The following PLEKHM3 variants were observed in gnomAD, a reference collection of about 807,000 sequenced individuals.
PLEKHM3 encodes pleckstrin homology domain-containing family M member 3.
A neutral mutation model predicts 81.8 loss-of-function variants in PLEKHM3; 45 were observed. The ratio of observed to expected loss-of-function variants is 0.55; its 90% CI spans 0.43 to 0.71. The LOEUF (loss-of-function observed/expected upper bound fraction) is 0.71, where lower values mean the gene tolerates loss of function less well. Among genes scored for constraint, PLEKHM3 ranks in the 30% least tolerant of loss-of-function variants. The pLI, the probability that PLEKHM3 is intolerant of heterozygous loss-of-function variation, is 0.00. For synonymous variants in PLEKHM3, 352 were observed against 356.4 expected (o/e 0.99, Z 0.14); for missense variants, 788 against 924.3 (o/e 0.85, Z 1.91).
chr2:207,997,664 G>A (rs1241101662), intron 2 of PLEKHM3, among the ~76,000 whole-genome samples: 3 of 152,168 alleles, frequency 2.0e-5, no homozygotes, highest in Non-Finnish European at 1.5e-5. Context: ...CAGCAGGAAT[G>A]GGAGAAGGGA....
intron 1 of PLEKHM3, among the ~76,000 whole-genome samples, chr2:208,024,825 C>G (rs569355347): frequency 6.6e-6 from 1 of 152,216 alleles, no homozygotes; most frequent in Non-Finnish European, 1.5e-5. Flanking sequence ...TACATCCAGA[C>G]CAGTCTCAAT....
At chr2:207,845,399 C>A (rs1443842831) in intron 7 of PLEKHM3, among the ~76,000 whole-genome samples, 1 of 152,210 alleles carries the variant, frequency 6.6e-6, no homozygotes, top group African/African-American at 2.4e-5. Context: ...AATACTCCTT[C>A]TCTTCCCTAT....
intron 7 of PLEKHM3, among the ~76,000 whole-genome samples, chr2:207,844,389 G>T (rs1282161701): frequency 6.8e-6 from 1 of 146,418 alleles, no homozygotes; most frequent in African/African-American, 2.5e-5. Flanking sequence ...TGCAAGCTCC[G>T]CCTCCCGGGC....
chr2:207,927,934 TG>T (rs1339000844), intron 5 of PLEKHM3, among the ~76,000 whole-genome samples: 2 of 152,238 alleles, frequency 1.3e-5, no homozygotes, highest in African/African-American at 4.8e-5. Flanking sequence ...AAATCATCCC[TG>T]GTTGTTTAGT....
At chr2:207,877,535 C>T (rs13432421) in intron 6 of PLEKHM3, among the ~76,000 whole-genome samples, 36,787 of 152,054 alleles carry the variant, frequency 0.24, 4,725 homozygotes, top group Non-Finnish European at 0.3. Context: ...GATTTTACTT[C>T]GTTCCTCACA....
At chr2:207,888,755 T>C (rs1345163041) in intron 6 of PLEKHM3, among the ~76,000 whole-genome samples, 2 of 152,254 alleles carry the variant, frequency 1.3e-5, no homozygotes, top group Admixed American at 6.5e-5. Flanking sequence ...ACATGAATTA[T>C]AGTCTACTCC....
rs201092791 is a variant in PLEKHM3 at position 207,916,755 on chromosome 2, G to GA, written c.1887-8179dup. Among the ~76,000 whole-genome samples the GA allele has an allele frequency of 4.8e-3, 716 of 148,876 alleles. 4 individuals carry two copies. Among genetic ancestry groups the GA allele is most frequent in the African/African-American group, 0.016 (648 of 40,632 alleles). On this transcript the variant is annotated intron_variant, in intron 5 of 7. Coordinates refer to ENST00000427836, the MANE Select transcript of PLEKHM3 (RefSeq NM_001080475.3). ...AGAGTGAGACTTCATCTCAAAAAAA[G>GA]AAAAAAAAAGAAAATGATTTTAGAG...
chr2:207,999,136 C>T (rs1692212805), intron 2 of PLEKHM3, among the ~76,000 whole-genome samples: 1 of 152,034 alleles, frequency 6.6e-6, no homozygotes, highest in Admixed American at 6.6e-5. Flanking sequence ...GCACGTGCCA[C>T]CAAGCCCAGC....
chr2:207,915,213 G>C (rs1688948437), intron 5 of PLEKHM3, among the ~76,000 whole-genome samples: 1 of 152,124 alleles, frequency 6.6e-6, no homozygotes, highest in Non-Finnish European at 1.5e-5. Context: ...AGAAAGGTGA[G>C]AAAAGATGAA....
intron 5 of PLEKHM3, among the ~76,000 whole-genome samples, chr2:207,911,332 T>A (rs1332642070): frequency 6.6e-6 from 1 of 152,268 alleles, no homozygotes; most frequent in Non-Finnish European, 1.5e-5. Context: ...AATGTTCACA[T>A]GTACTTCCAC....
chr2:208,017,185 G>A (rs999245717), intron 1 of PLEKHM3, among the ~76,000 whole-genome samples: 4 of 152,188 alleles, frequency 2.6e-5, no homozygotes, highest in Non-Finnish European at 5.9e-5. Flanking sequence ...GATGTAGAGG[G>A]CCAACTGTAA....
At chr2:207,955,716 A>T (rs1010651083) in intron 3 of PLEKHM3, among the ~76,000 whole-genome samples, 1 of 152,234 alleles carries the variant, frequency 6.6e-6, no homozygotes, top group Admixed American at 6.5e-5. Context: ...ATTTTCAGGT[A>T]GTTATCTCCT....
intron 7 of PLEKHM3, among the ~76,000 whole-genome samples, chr2:207,831,639 G>T (rs193171607): frequency 3.7e-4 from 57 of 152,300 alleles, no homozygotes; most frequent in Admixed American, 3.3e-3. Flanking sequence ...AGGCTGCGAC[G>T]CCGCCCCTCA....
At chr2:207,977,632 A>C in intron 2 of PLEKHM3, 46 bp from the exon 3 acceptor site, 1 of 1,507,098 alleles carries the variant, frequency 6.6e-7, no homozygotes. Flanking sequence ...ATTAGTTATA[A>C]GAAGGCAGGC....
chr2:207,989,041 T>G (rs918265983), intron 2 of PLEKHM3, among the ~76,000 whole-genome samples: 1 of 152,226 alleles, frequency 6.6e-6, no homozygotes, highest in African/African-American at 2.4e-5. Context: ...CCCTCAATCG[T>G]TCTCCATCAC....
At chr2:207,865,644 G>A (rs1428501853) in intron 6 of PLEKHM3, among the ~76,000 whole-genome samples, 1 of 150,638 alleles carries the variant, frequency 6.6e-6, no homozygotes, top group African/African-American at 2.4e-5. Context: ...GCCGGGCATG[G>A]TGGTGTATGC....
intron 6 of PLEKHM3, among the ~76,000 whole-genome samples, chr2:207,894,767 T>C (rs1036185753): frequency 6.6e-6 from 1 of 152,100 alleles, no homozygotes; most frequent in Non-Finnish European, 1.5e-5. Flanking sequence ...TTTTAATACG[T>C]TTGAAACATT....
chr2:207,892,375 T>C (rs1296561187), intron 6 of PLEKHM3, among the ~76,000 whole-genome samples: 1 of 152,222 alleles, frequency 6.6e-6, no homozygotes, highest in East Asian at 1.9e-4. Flanking sequence ...TCATTTTTGA[T>C]TGGTTACATT....
At chr2:207,892,924 G>T (rs911967576) in intron 6 of PLEKHM3, among the ~76,000 whole-genome samples, 1 of 152,116 alleles carries the variant, frequency 6.6e-6, no homozygotes, top group Middle Eastern at 3.2e-3. Context: ...AGGAATTCAA[G>T]CCTCAAGATC....
Sources: allele counts gnomAD v4.1 joint callset (sites outside exome capture counted in the v4.1 genomes callset), GRCh38; gene constraint gnomAD v4.1.1; transcripts MANE v1.5; gene names NCBI Gene and HGNC (gene_info 2026-07-23, HGNC 2026-07-21).